The following CCDC91 variants were observed in gnomAD, a reference collection of about 807,000 sequenced individuals.
CCDC91 encodes coiled-coil domain-containing protein 91.
Under a neutral mutation model 63.2 loss-of-function variants are expected in CCDC91, and 48 were observed. That is an observed-to-expected ratio of 0.76 (90% CI 0.60 to 0.97). The LOEUF (loss-of-function observed/expected upper bound fraction) is 0.97, where lower values mean the gene tolerates loss of function less well. CCDC91 is among the 50% of genes least tolerant of loss of function. The probability of loss-of-function intolerance (pLI) is 0.00; values close to 1 mark genes in which losing one functional copy is unlikely to be tolerated. For synonymous variants in CCDC91, 167 were observed against 165.8 expected, an observed-to-expected ratio of 1.01 and a Z score of -0.06; for missense variants, 500 against 494.6, an observed-to-expected ratio of 1.01 and a Z score of -0.10.
intron 5 of CCDC91, 86 bp downstream of exon 5, chr12:28,307,031 G>T (rs1938815956): frequency 4.6e-6 from 4 of 866,440 alleles, no homozygotes; most frequent in African/African-American, 1.7e-5. Flanking sequence ...AAACTCATCA[G>T]AGGAAGAAGA....
At chr12:28,234,144 T>A (rs912260260) in intron 1 of CCDC91, among the ~76,000 whole-genome samples, 1 of 152,196 alleles carries the variant, frequency 6.6e-6, no homozygotes, top group African/African-American at 2.4e-5. Flanking sequence ...ATTAAGTTTA[T>A]AAAAATATTT....
At chr12:28,512,354 G>A (rs1206624118) in intron 12 of CCDC91, among the ~76,000 whole-genome samples, 1 of 151,752 alleles carries the variant, frequency 6.6e-6, no homozygotes, top group Non-Finnish European at 1.5e-5. Context: ...GTCTGATTTA[G>A]GACAGAAATA....
intron 1 of CCDC91, among the ~76,000 whole-genome samples, chr12:28,239,827 ATTTG>A (rs1945221728): frequency 6.6e-6 from 1 of 152,128 alleles, no homozygotes; most frequent in African/African-American, 2.4e-5. Context: ...ATATGTATTT[ATTTG>A]AGTACTAGAA....
intron 7 of CCDC91, 65 bp downstream of exon 7, chr12:28,362,580 T>A: frequency 1.0e-6 from 1 of 956,810 alleles, no homozygotes; most frequent in Non-Finnish European, 1.6e-6. Flanking sequence ...TGTACACATG[T>A]AGGTATGTGC....
At chr12:28,374,819 A>G (rs1944844768) in intron 7 of CCDC91, among the ~76,000 whole-genome samples, 1 of 152,142 alleles carries the variant, frequency 6.6e-6, no homozygotes, top group African/African-American at 2.4e-5. Context: ...ACAACTTTAA[A>G]TCATCTATTC....
chr12:28,256,029 T>C (rs1946419476), intron 1 of CCDC91: 2 of 152,170 alleles, frequency 1.3e-5, no homozygotes, highest in Non-Finnish European at 2.9e-5. Flanking sequence ...TTTCCTGTAA[T>C]GAAGTCCATC....
chr12:28,200,877 A>G (rs376615077), intron 1 of CCDC91, among the ~76,000 whole-genome samples: 37,578 of 145,980 alleles, frequency 0.26, 4,788 homozygotes, highest in Non-Finnish European at 0.3. Flanking sequence ...CTCACCTCCC[A>G]GACAGGGCGG....
intron 8 of CCDC91, among the ~76,000 whole-genome samples, chr12:28,424,537 A>G (rs192854209): frequency 1.6e-4 from 25 of 152,258 alleles, no homozygotes; most frequent in Non-Finnish European, 2.8e-4. Flanking sequence ...TGCATTTGTC[A>G]TAAATTTGTT....
intron 6 of CCDC91, among the ~76,000 whole-genome samples, chr12:28,312,751 GTCTT>G (rs1939453117): frequency 6.6e-6 from 1 of 151,996 alleles, no homozygotes; most frequent in Non-Finnish European, 1.5e-5. Context: ...ATGGGGATGT[GTCTT>G]TCTTGTGCTA....
chr12:28,486,682 A>G (rs1744763036), intron 12 of CCDC91, among the ~76,000 whole-genome samples: 2 of 152,118 alleles, frequency 1.3e-5, no homozygotes, highest in African/African-American at 4.8e-5. Flanking sequence ...ATTAACTTTG[A>G]AAAGAGCTGA....
At chr12:28,532,651 T>C (rs1357525256) in intron 12 of CCDC91, among the ~76,000 whole-genome samples, 1 of 152,022 alleles carries the variant, frequency 6.6e-6, no homozygotes, top group African/African-American at 2.4e-5. Context: ...TCAGAAAGAG[T>C]AACTGTTCGA....
Position 28,484,492 on chromosome 12 carries a change from T to C in CCDC91, c.1215+327T>C, listed in dbSNP as rs148509992. ...TTGCCATACATTTGTTAATTTCTTA[T>C]AATATTCATAGACATGTGTATGCAT... On this transcript the variant is annotated intron_variant, in intron 12 of 12. Transcript: ENST00000536442. 2.8e-3 allele frequency among the ~76,000 whole-genome samples: 424 copies of C among 152,266 alleles called. 6 individuals carry two copies. Among genetic ancestry groups the C allele is most frequent in the African/African-American group, 9.6e-3 (400 of 41,576 alleles).
In CCDC91 at chr12:28,267,854, A is replaced by AATTATTATAATT. The variant is rs1565700419; in HGVS notation, c.109+8414_109+8415insTATTATAATTAT. Among the ~76,000 whole-genome samples, 7 of 52,710 alleles carry AATTATTATAATT rather than the reference A, an allele frequency of 1.3e-4. 1 individual carries two copies. Among genetic ancestry groups the AATTATTATAATT allele is most frequent in the African/African-American group, 4.4e-4 (6 of 13,718 alleles). The allele number at this position is 52,710 out of a possible 152,430, so 34.6% of individuals were successfully genotyped here. A position where few individuals can be genotyped will look rare whatever the true frequency, so the allele number is the denominator to read the frequency against. ...ATATAATTATATATAATTATATAGT[A>AATTATTATAATT]ATATATAATTATATATAATTATATA... On this transcript the variant is annotated intron_variant, in intron 3 of 12. Transcript: ENST00000536442.
At chr12:28,511,093 C>T (rs1458238390) in intron 12 of CCDC91, among the ~76,000 whole-genome samples, 1 of 151,788 alleles carries the variant, frequency 6.6e-6, no homozygotes, top group Non-Finnish European at 1.5e-5. Context: ...TCACTGTATC[C>T]CCTGTAGCCC....
intron 3 of CCDC91, among the ~76,000 whole-genome samples, chr12:28,299,939 G>C (rs760785084): frequency 6.6e-6 from 1 of 151,042 alleles, no homozygotes; most frequent in African/African-American, 2.4e-5. Context: ...TTTTCCCCAG[G>C]TTTTAAATGT....
At chr12:28,357,155 T>G (rs1943579654) in intron 6 of CCDC91, among the ~76,000 whole-genome samples, 1 of 152,214 alleles carries the variant, frequency 6.6e-6, no homozygotes, top group Admixed American at 6.5e-5. Context: ...AACAAAATTT[T>G]TGTTAATATT....
At chr12:28,492,291 A>G (rs530255300) in intron 12 of CCDC91, among the ~76,000 whole-genome samples, 1 of 151,926 alleles carries the variant, frequency 6.6e-6, no homozygotes, top group South Asian at 2.1e-4. Context: ...TACAAGGACA[A>G]ATAAAATAAC....
At chr12:28,220,859 A>T (rs1428316285) in intron 1 of CCDC91, among the ~76,000 whole-genome samples, 1 of 152,116 alleles carries the variant, frequency 6.6e-6, no homozygotes, top group Non-Finnish European at 1.5e-5. Context: ...TGGCCTAAAT[A>T]CAAATATTCT....
chr12:28,252,232 G>T (rs897520404), intron 1 of CCDC91, among the ~76,000 whole-genome samples: 1 of 152,028 alleles, frequency 6.6e-6, no homozygotes, highest in African/African-American at 2.4e-5. Flanking sequence ...TGTCTCTACT[G>T]TGCCTTGCTG....
Sources: allele counts gnomAD v4.1 joint callset (sites outside exome capture counted in the v4.1 genomes callset), GRCh38; gene constraint gnomAD v4.1.1; transcripts MANE v1.5; gene names NCBI Gene and HGNC (gene_info 2026-07-23, HGNC 2026-07-21).